CEP162: variants seen among roughly 807,000 people sequenced by gnomAD.
The protein encoded by CEP162 is centrosomal protein of 162 kDa.
A neutral mutation model predicts 169.2 loss-of-function variants in CEP162; 141 were observed. That is an observed-to-expected ratio of 0.83 (90% CI 0.73 to 0.96). The LOEUF is 0.96. Among genes scored for constraint, CEP162 ranks in the 40% least tolerant of loss-of-function variants. The probability of loss-of-function intolerance (pLI) is 0.00; values close to 1 mark genes in which losing one functional copy is unlikely to be tolerated. For synonymous variants in CEP162, 540 were observed against 526.4 expected, an observed-to-expected ratio of 1.03 and a Z score of -0.35; for missense variants, 1,600 against 1,587.2, an observed-to-expected ratio of 1.01 and a Z score of -0.14.
chr6:84,206,687 A>T (rs1349153192), intron 6 of CEP162, among the ~76,000 whole-genome samples: 8 of 152,206 alleles, frequency 5.3e-5, no homozygotes, highest in Non-Finnish European at 8.8e-5. Flanking sequence ...AAAACACCAA[A>T]AGCAATGGCA....
intron 3 of CEP162, chr6:84,219,173 C>T (rs768666535): frequency 1.5e-6 from 2 of 1,290,994 alleles, no homozygotes; most frequent in South Asian, 2.5e-5. Flanking sequence ...AGGTTCTACA[C>T]TCTTGATACA....
rs1588678762 is a variant in CEP162, at chr6:84,124,983, T to C, written c.*87A>G. The C allele has an allele frequency of 1.0e-6, 1 of 987,114 alleles. No individual in the cohort carries two copies. The highest frequency in any genetic ancestry group is 1.5e-6 in the Non-Finnish European group (1 of 656,686). 61.1% of individuals were successfully genotyped at this position (987,114 alleles called of 1,614,324 possible). A position where few individuals can be genotyped will look rare whatever the true frequency, so the allele number is the denominator to read the frequency against. ...GCTTTCTGGAAACATATTGGAACAC[T>C]TGTTTTTCATAAGCTGTCCTGACAG... On this transcript the variant is annotated 3_prime_UTR_variant, in exon 27 of 27. Coordinates refer to ENST00000403245, the MANE Select transcript of CEP162 (RefSeq NM_014895.4).
chr6:84,160,712 C>T, intron 21 of CEP162, 100 bp downstream of exon 21: 3 of 689,982 alleles, frequency 4.3e-6, no homozygotes, highest in South Asian at 3.4e-5. Context: ...ACAAAAATTT[C>T]CAGGTCAACT....
chr6:84,134,919 TACACACACACACAC>T (rs35312098), intron 25 of CEP162, among the ~76,000 whole-genome samples: 7 of 148,372 alleles, frequency 4.7e-5, no homozygotes, highest in South Asian at 2.1e-4. Context: ...AGATCATATA[TACACACACACACAC>T]ACACACACAC....
Position 84,221,162 on chromosome 6 carries a change from C to CAGAT in CEP162, c.66_67insATCT (p.Asp23IlefsTer2), listed in dbSNP as rs775431975. 2.7e-6 allele frequency: 4 copies of CAGAT among 1,478,584 alleles called. No homozygotes were observed. The highest frequency in any genetic ancestry group is 3.8e-6 in the Non-Finnish European group (4 of 1,059,494). 91.6% of individuals were successfully genotyped at this position (1,478,584 alleles called of 1,614,324 possible). A position where few individuals can be genotyped will look rare whatever the true frequency, so the allele number is the denominator to read the frequency against. On this transcript the variant is annotated frameshift_variant, in exon 3 of 27. Coordinates refer to ENST00000403245, the MANE Select transcript of CEP162 (RefSeq NM_014895.4). LOFTEE classifies it high-confidence loss of function. ...GTTTTGTCTGAATTTTCAAAAGAAT[C>CAGAT]ATCTGAAAGCTGAATTAGATATAAG...
In CEP162 at chr6:84,126,406, T is replaced by C. The variant is rs2099508959; in HGVS notation, c.3977A>G (p.His1326Arg). 1 of 1,603,476 alleles carries C rather than the reference T, an allele frequency of 6.2e-7. No individual in the cohort carries two copies. Among genetic ancestry groups the C allele is most frequent in the Admixed American group, 1.7e-5 (1 of 58,602 alleles). Residue 1326 changes from histidine to arginine, a missense_variant, in exon 26 of 27, where the codon CAT becomes CGT. By Grantham distance (29) the His-to-Arg change is conservative. Coordinates refer to ENST00000403245, the MANE Select transcript of CEP162 (RefSeq NM_014895.4). ...EKKIKQMEMR[H>R]AQREQELQQI... The stretch of plus-strand genomic sequence containing the variant: ...TTGAAGTTCCTGTTCTCTTTGTGCA[T>C]GTCTCATTTCCATCTGCTTAATTTT...
intron 11 of CEP162, among the ~76,000 whole-genome samples, chr6:84,191,904 C>G (rs965575119): frequency 2.6e-5 from 4 of 152,286 alleles, no homozygotes; most frequent in East Asian, 3.9e-4. Flanking sequence ...GTGCTGGTTC[C>G]TACCAATGGA....
chr6:84,153,991 C>A (rs183516715), intron 22 of CEP162, among the ~76,000 whole-genome samples: 1 of 152,094 alleles, frequency 6.6e-6, no homozygotes, highest in Admixed American at 6.6e-5. Flanking sequence ...TATGTTCGGT[C>A]TTGAGAGATG....
chr6:84,188,775 T>C (rs2099538360), intron 11 of CEP162, among the ~76,000 whole-genome samples: 1 of 152,218 alleles, frequency 6.6e-6, no homozygotes, highest in African/African-American at 2.4e-5. Flanking sequence ...GGGTGAATAG[T>C]AATTCTGCTT....
At chr6:84,225,727 A>T (rs1186835397) in intron 2 of CEP162, among the ~76,000 whole-genome samples, 2 of 146,932 alleles carry the variant, frequency 1.4e-5, no homozygotes, top group Non-Finnish European at 2.9e-5. Context: ...TAAGTGCTAT[A>T]AAAAGAATTA....
intron 25 of CEP162, among the ~76,000 whole-genome samples, chr6:84,134,393 T>C (rs1279368487): frequency 6.6e-6 from 1 of 152,064 alleles, no homozygotes; most frequent in Admixed American, 6.6e-5. Flanking sequence ...CACTGTGGTA[T>C]GAAAAAAAAC....
rs76366046 is a variant in CEP162 at position 84,153,019 on chromosome 6, A to C, written c.3155T>G (p.Leu1052Arg). The C allele has an allele frequency of 6.2e-7, 1 of 1,613,524 alleles. No homozygotes were observed. The highest frequency in any genetic ancestry group is 8.5e-7 in the Non-Finnish European group (1 of 1,179,732). Residue 1052 changes from leucine (L) to arginine (R), a missense_variant, in exon 23 of 27, where the codon CTT becomes CGT. Transcript: ENST00000403245. ...GTCTAATTCAGCATTCTGATGTTTA[A>C]GAACGTCTATTTCGGCTTCAAGGTT... Reference protein sequence around the residue: ...VRNLEAEIDVLKHQNAELDVK... With the variant: ...VRNLEAEIDVRKHQNAELDVK...
At chr6:84,169,138 T>G (rs1414987991) in intron 18 of CEP162, among the ~76,000 whole-genome samples, 190 bp downstream of exon 18, 1 of 152,170 alleles carries the variant, frequency 6.6e-6, no homozygotes, top group Non-Finnish European at 1.5e-5. Flanking sequence ...ATATAATGTT[T>G]CCTCTATACT....
At position 84,206,049 on chromosome 6, in the gene CEP162, C is replaced by A. The variant is rs1261609467; in HGVS notation, c.572-1953G>T. On this transcript the variant is annotated intron_variant, in intron 6 of 26. Transcript: ENST00000403245. ...ACCTCTTCAAGGAGAACTACAAACC[C>A]CTGCTCAACGAAATAAAAGAGGACA... Among the ~76,000 whole-genome samples the A allele has an allele frequency of 2.0e-4, 30 of 147,232 alleles. 1 individual carries two copies. Among genetic ancestry groups the A allele is most frequent in the Admixed American group, 2.7e-4 (4 of 15,062 alleles).
rs75362913 is a variant in CEP162, at chr6:84,153,630, G to T, written c.2995-451C>A. Among the ~76,000 whole-genome samples, 1,005 of 152,218 alleles carry T rather than the reference G, an allele frequency of 6.6e-3. 7 individuals are homozygous for T. The highest frequency in any genetic ancestry group is 0.023 in the African/African-American group (956 of 41,526). On this transcript the variant is annotated intron_variant, in intron 22 of 26. Transcript: ENST00000403245. ...ACTTTCATAGAGAGTAAAATGGCCT[G>T]GAATTTGTATACTGGAGCTTTAATA... is the stretch of plus-strand genomic sequence containing the variant.
At chr6:84,224,961 C>T (rs999138858) in intron 2 of CEP162, among the ~76,000 whole-genome samples, 1 of 152,180 alleles carries the variant, frequency 6.6e-6, no homozygotes, top group Non-Finnish European at 1.5e-5. Flanking sequence ...GTGCCTATTA[C>T]ATCTTGACAA....
chr6:84,207,848 C>A (rs1247721449), intron 6 of CEP162, among the ~76,000 whole-genome samples: 1 of 151,848 alleles, frequency 6.6e-6, no homozygotes, highest in Non-Finnish European at 1.5e-5. Context: ...TATTATTAAC[C>A]AAATAAAAAT....
At chr6:84,141,980 C>T (rs757992679) in intron 25 of CEP162, among the ~76,000 whole-genome samples, 4 of 152,186 alleles carry the variant, frequency 2.6e-5, no homozygotes, top group Non-Finnish European at 5.9e-5. Context: ...TTCTCAGTCT[C>T]TCAGAGATGT....
At chr6:84,184,862 T>C (rs2099536413) in intron 13 of CEP162, among the ~76,000 whole-genome samples, 1 of 151,846 alleles carries the variant, frequency 6.6e-6, no homozygotes, top group South Asian at 2.1e-4. Flanking sequence ...AAAACTATCA[T>C]TTCAAAAATT....
Sources: allele counts gnomAD v4.1 joint callset (sites outside exome capture counted in the v4.1 genomes callset), GRCh38; gene constraint gnomAD v4.1.1; transcripts MANE v1.5; gene names NCBI Gene and HGNC (gene_info 2026-07-23, HGNC 2026-07-21).